The following ELAVL1 variants were observed in gnomAD, a reference collection of about 807,000 sequenced individuals.
ELAVL1 encodes ELAV like RNA binding protein 1.
A neutral mutation model predicts 28.4 loss-of-function variants in ELAVL1; 1 was observed. The ratio of observed to expected loss-of-function variants is 0.04; its 90% CI spans 0.01 to 0.17. The LOEUF (loss-of-function observed/expected upper bound fraction) is 0.17, where lower values mean the gene tolerates loss of function less well. Ranked by LOEUF, ELAVL1 falls within the 10% of genes least tolerant of loss-of-function variation. The pLI is 1.00. For missense variants in ELAVL1, 157 were observed against 447.2 expected (o/e 0.35, Z 5.85); for synonymous variants, 174 against 183.5 (o/e 0.95, Z 0.42).
intron 1 of ELAVL1, among the ~76,000 whole-genome samples, chr19:8,003,994 G>A (rs2081078327): frequency 6.6e-6 from 1 of 152,192 alleles, no homozygotes; most frequent in African/African-American, 2.4e-5. Context: ...GAGGGCCCGA[G>A]TTCAAACCCT....
chr19:7,982,603 C>T lies in ELAVL1; in HGVS notation c.173-1417G>A, dbSNP rs986942859. On this transcript the variant is annotated intron_variant, in intron 2 of 5. Coordinates refer to ENST00000407627, the MANE Select transcript of ELAVL1 (RefSeq NM_001419.3). The surrounding 1 kb of genome is among the most constrained non-coding windows in gnomAD (Gnocchi z 4.3). ...ATACCAAGTTCCCATATGGCCCCCT[C>T]CCAGTTTCCCCTATGGGTACCACCG... is the stretch of plus-strand genomic sequence containing the variant. Among the ~76,000 whole-genome samples the T allele has an allele frequency of 2.0e-5, 3 of 152,238 alleles. No homozygotes were observed. Among genetic ancestry groups the T allele is most frequent in the Non-Finnish European group, 1.5e-5 (1 of 68,036 alleles).
chr19:7,970,369 A>C (rs937342467), intron 4 of ELAVL1, among the ~76,000 whole-genome samples: 1 of 152,146 alleles, frequency 6.6e-6, no homozygotes, highest in African/African-American at 2.4e-5. Context: ...GTTGGCCAGG[A>C]TGGTCTCGAC....
intron 2 of ELAVL1, among the ~76,000 whole-genome samples, chr19:7,989,524 C>G (rs778439147): frequency 1.3e-5 from 2 of 152,212 alleles, no homozygotes; most frequent in South Asian, 4.1e-4. Context: ...CACAAGGGAA[C>G]AGACAAAGAA....
At chr19:7,978,212 A>C (rs530354684) in intron 3 of ELAVL1, among the ~76,000 whole-genome samples, 2 of 152,342 alleles carry the variant, frequency 1.3e-5, no homozygotes, top group Non-Finnish European at 2.9e-5. Context: ...CCTAGGAGGA[A>C]GCTTGTAAAA....
At position 7,981,360 on chromosome 19, in the gene ELAVL1, T is replaced by C. The variant is rs1406225813; in HGVS notation, c.173-174A>G. On this transcript the variant is annotated intron_variant, in intron 2 of 5. Coordinates refer to ENST00000407627, the MANE Select transcript of ELAVL1 (RefSeq NM_001419.3). The surrounding 1 kb of genome is among the most constrained non-coding windows in gnomAD (Gnocchi z 4.2). ...TCTGCAATGAACACAGGTTCCTTTT[T>C]TTTTTTTTTTTTAAAGAGATAGGAT... 6.6e-6 allele frequency among the ~76,000 whole-genome samples: 1 copy of C among 151,796 alleles called. No individual in the cohort carries two copies. The highest frequency in any genetic ancestry group is 1.5e-5 in the Non-Finnish European group (1 of 67,910).
At chr19:8,004,643 G>T (rs75710892) in intron 1 of ELAVL1, among the ~76,000 whole-genome samples, 68 of 152,298 alleles carry the variant, frequency 4.5e-4, no homozygotes, top group East Asian at 3.3e-3. Flanking sequence ...GCTCTAGACA[G>T]ATCATTCTCC....
At chr19:8,001,760 C>T (rs566487402) in intron 1 of ELAVL1, among the ~76,000 whole-genome samples, 54 of 152,258 alleles carry the variant, frequency 3.5e-4, no homozygotes, top group African/African-American at 1.3e-3. Flanking sequence ...CCACTACACC[C>T]AGCCACAGAT....
chr19:7,982,634 G>T lies in ELAVL1; in HGVS notation c.173-1448C>A, dbSNP rs1312031942. On this transcript the variant is annotated intron_variant, in intron 2 of 5. Transcript: ENST00000407627. This position sits in a 1 kb window ranked among gnomAD's most constrained non-coding sequence, Gnocchi z 4.3. ...TTCCCCTATGGGTACCACCGCAAGTGAGTATGAAATGCTGGTGACGATGAA... is the reference window on the plus strand; with the variant it reads ...TTCCCCTATGGGTACCACCGCAAGTTAGTATGAAATGCTGGTGACGATGAA... Among the ~76,000 whole-genome samples, 1 of 152,170 alleles carries T rather than the reference G, an allele frequency of 6.6e-6. No individual in the cohort carries two copies. Among genetic ancestry groups the T allele is most frequent in the African/African-American group, 2.4e-5 (1 of 41,436 alleles).
Position 7,979,707 on chromosome 19 carries a change from CGAG to C in ELAVL1, c.276+1373_276+1375del, listed in dbSNP as rs1265413488. On this transcript the variant is annotated intron_variant, in intron 3 of 5. Transcript: ENST00000407627. The surrounding 1 kb of genome is among the most constrained non-coding windows in gnomAD (Gnocchi z 5.4). ...TGCCTCTGAGGACCTGCACTGGACA[CGAG>C]GAGGCAGGAGTGGCGCGCCTGCCCT... Among the ~76,000 whole-genome samples, 2 of 152,146 alleles carry C rather than the reference CGAG, an allele frequency of 1.3e-5. No homozygotes were observed. Among genetic ancestry groups the C allele is most frequent in the Admixed American group, 6.5e-5 (1 of 15,272 alleles).
chr19:7,988,524 G>A (rs1480111865), intron 2 of ELAVL1, among the ~76,000 whole-genome samples: 1 of 152,206 alleles, frequency 6.6e-6, no homozygotes, highest in African/African-American at 2.4e-5. Context: ...AGGTGCTCCT[G>A]AAAGCCAATG....
chr19:7,971,242 TGA>T (rs1005232898), intron 4 of ELAVL1, among the ~76,000 whole-genome samples: 1 of 152,160 alleles, frequency 6.6e-6, no homozygotes, highest in Non-Finnish European at 1.5e-5. Flanking sequence ...CGTGTGTGCC[TGA>T]GAGACTAGGG....
intron 4 of ELAVL1, among the ~76,000 whole-genome samples, chr19:7,969,276 A>G (rs1207073890): frequency 6.6e-6 from 1 of 152,240 alleles, no homozygotes; most frequent in African/African-American, 2.4e-5. Flanking sequence ...CCTCTGGTGC[A>G]TGGTAACAAA....
At chr19:7,964,794 T>C (rs1984909733) in intron 5 of ELAVL1, among the ~76,000 whole-genome samples, 1 of 152,248 alleles carries the variant, frequency 6.6e-6, no homozygotes. Context: ...CCTAAAGCTA[T>C]GTTTCCCTCT....
chr19:7,963,677 T>G lies in ELAVL1; in HGVS notation c.787A>C (p.Met263Leu). ...QDADEGILWQ[M>L]FGPFGAVTNV... The stretch of plus-strand genomic sequence containing the variant: ...GTGACGGCACCAAACGGCCCAAACA[T>G]CTGCCAGAGGATCCCCTCGTCGGCA... Residue 263 changes from methionine (M) to leucine (L), a missense_variant, in exon 6 of 6, where the codon ATG becomes CTG. Physicochemically the swap from Met to Leu is conservative, Grantham distance 15. Transcript: ENST00000407627. This position sits in a 1 kb window ranked among gnomAD's most constrained non-coding sequence, Gnocchi z 4.5. 1.2e-6 allele frequency: 2 copies of G among 1,614,262 alleles called. No individual in the cohort carries two copies. Among genetic ancestry groups the G allele is most frequent in the Non-Finnish European group, 8.5e-7 (1 of 1,180,042 alleles).
intron 1 of ELAVL1, among the ~76,000 whole-genome samples, chr19:8,004,175 G>C (rs902972416): frequency 6.6e-6 from 1 of 152,194 alleles, no homozygotes; most frequent in Non-Finnish European, 1.5e-5. Context: ...AATAAATACT[G>C]GTGGCTATGT....
intron 1 of ELAVL1, 65 bp from the exon 2 acceptor site, chr19:7,991,896 A>C: frequency 7.9e-7 from 1 of 1,264,134 alleles, no homozygotes; most frequent in South Asian, 1.6e-5. Flanking sequence ...AGGCAAAACT[A>C]GTAACTGCAT....
intron 2 of ELAVL1, among the ~76,000 whole-genome samples, chr19:7,988,870 T>C (rs904326381): frequency 6.6e-6 from 1 of 152,112 alleles, no homozygotes; most frequent in Non-Finnish European, 1.5e-5. Context: ...AAGTGGGCAC[T>C]TGGAGAGCCT....
chr19:7,993,939 G>T (rs912317689), intron 1 of ELAVL1, among the ~76,000 whole-genome samples: 3 of 152,114 alleles, frequency 2.0e-5, no homozygotes. Context: ...CTTCCTGGTA[G>T]AAACATCCAG....
chr19:7,963,890 T>G lies in ELAVL1; in HGVS notation c.657-83A>C. 1 of 1,457,620 alleles carries G rather than the reference T, an allele frequency of 6.9e-7. No individual in the cohort carries two copies. Among genetic ancestry groups the G allele is most frequent in the Non-Finnish European group, 9.2e-7 (1 of 1,084,272 alleles). The allele number at this position is 1,457,620 out of a possible 1,614,324, so 90.3% of individuals were successfully genotyped here. On this transcript the variant is annotated intron_variant, in intron 5 of 5. Transcript: ENST00000407627. This position sits in a 1 kb window ranked among gnomAD's most constrained non-coding sequence, Gnocchi z 4.5. ...GCAAGGCCTGGACGCATGCTGACCA[T>G]GGCCGCTGGGCCCCATCCCGCTCTG... is the stretch of plus-strand genomic sequence containing the variant.
Sources: gnomAD v4.1 joint callset for allele counts (sites outside exome capture counted in the v4.1 genomes callset) on GRCh38, gnomAD v4.1.1 for gene constraint, Gnocchi (gnomAD v3.1) non-coding constraint, MANE v1.5 for transcripts, NCBI Gene and HGNC (gene_info 2026-07-23, HGNC 2026-07-21) for gene names.